The following SUSD1 variants were observed in gnomAD, a reference collection of about 807,000 sequenced individuals.
SUSD1 encodes the protein sushi domain-containing protein 1.
Under a neutral mutation model 86.9 loss-of-function variants are expected in SUSD1, and 65 were observed. The ratio of observed to expected loss-of-function variants is 0.75; its 90% CI spans 0.61 to 0.92. The LOEUF is 0.92. Ranked by LOEUF, SUSD1 falls within the 40% of genes least tolerant of loss-of-function variation. The pLI is 0.00. For synonymous variants in SUSD1, 346 were observed against 350.0 expected (o/e 0.99, Z 0.13); for missense variants, 850 against 929.7 (o/e 0.91, Z 1.11).
intron 1 of SUSD1, among the ~76,000 whole-genome samples, chr9:112,171,866 T>C (rs1316989139): frequency 1.3e-5 from 2 of 152,180 alleles, no homozygotes; most frequent in Non-Finnish European, 2.9e-5. Flanking sequence ...CCCAGCTGAA[T>C]GCTACCTTCG....
In SUSD1 at chr9:112,160,084, A is replaced by G. The variant is rs1235487038; in HGVS notation, c.104-2471T>C. Among the ~76,000 whole-genome samples the G allele has an allele frequency of 6.6e-5, 10 of 152,162 alleles. 1 individual carries two copies. The highest frequency in any genetic ancestry group is 6.5e-4 in the Admixed American group (10 of 15,284). ...TAATATAAGAAACCTGAAAAAAGGA[A>G]AAAAGAAAATGGGGATTTAGGGATT... is the stretch of plus-strand genomic sequence containing the variant. On this transcript the variant is annotated intron_variant, in intron 1 of 16. Transcript: ENST00000374270.
intron 10 of SUSD1, among the ~76,000 whole-genome samples, chr9:112,097,447 A>G (rs13288433): frequency 0.64 from 88,543 of 138,852 alleles, 28,310 homozygotes; most frequent in East Asian, 0.78. Flanking sequence ...TGCCCAAGCT[A>G]GAGTGCAATG....
chr9:112,066,878 G>T (rs1239411354), intron 12 of SUSD1, among the ~76,000 whole-genome samples: 1 of 151,982 alleles, frequency 6.6e-6, no homozygotes, highest in South Asian at 2.1e-4. Flanking sequence ...ATTTTTTGTT[G>T]TTTATCTGTT....
At chr9:112,042,306 T>A in intron 15 of SUSD1, 1 of 738,856 alleles carries the variant, frequency 1.4e-6, no homozygotes, top group Non-Finnish European at 2.2e-6. Flanking sequence ...TAGATTTTTA[T>A]GGGCCGTTTT....
At chr9:112,060,259 T>C (rs1213750799) in intron 13 of SUSD1, among the ~76,000 whole-genome samples, 2 of 152,016 alleles carry the variant, frequency 1.3e-5, no homozygotes, top group African/African-American at 4.8e-5. Flanking sequence ...CCTGATTTTC[T>C]TTCTTTTCTT....
chr9:112,155,306 G>A (rs1043222419), intron 2 of SUSD1, among the ~76,000 whole-genome samples: 4 of 151,952 alleles, frequency 2.6e-5, no homozygotes, highest in African/African-American at 9.7e-5. Flanking sequence ...AATTCCTTTG[G>A]GAAGTGAACA....
chr9:112,130,691 TCTACCAGATATACA>T (rs759707657), intron 5 of SUSD1, among the ~76,000 whole-genome samples: 36 of 151,800 alleles, frequency 2.4e-4, no homozygotes, highest in South Asian at 6.3e-4. Context: ...CACAAGGTAG[TCTACCAGATATACA>T]CTACCTTATT....
At chr9:112,063,130 T>C in intron 12 of SUSD1, 97 bp from the exon 13 acceptor site, 1 of 728,976 alleles carries the variant, frequency 1.4e-6, no homozygotes, top group Non-Finnish European at 2.4e-6. Context: ...AAGAAAGTTT[T>C]AATTTCAGAA....
chr9:112,053,446 C>T (rs750455272), intron 14 of SUSD1, among the ~76,000 whole-genome samples: 5 of 125,938 alleles, frequency 4.0e-5, no homozygotes, highest in East Asian at 5.1e-4. Context: ...ACCCAGGAGG[C>T]GGAGGTGCAG....
chr9:112,134,474 T>G (rs1832170717), intron 5 of SUSD1, among the ~76,000 whole-genome samples: 1 of 152,022 alleles, frequency 6.6e-6, no homozygotes, highest in Non-Finnish European at 1.5e-5. Flanking sequence ...GAACAGAAAA[T>G]TCTAATATCC....
At chr9:112,160,175 A>G (rs1438309399) in intron 1 of SUSD1, among the ~76,000 whole-genome samples, 1 of 152,238 alleles carries the variant, frequency 6.6e-6, no homozygotes, top group Non-Finnish European at 1.5e-5. Flanking sequence ...GGGGAAAATT[A>G]CATAAAAGAC....
At chr9:112,107,254 C>CAAAAA (rs71382407) in intron 8 of SUSD1, among the ~76,000 whole-genome samples, 55 of 64,938 alleles carry the variant, frequency 8.5e-4, no homozygotes, top group Non-Finnish European at 9.0e-4. Context: ...GACCATATCT[C>CAAAAA]AAAAAAAAAA....
intron 5 of SUSD1, among the ~76,000 whole-genome samples, chr9:112,127,510 T>A (rs959396605): frequency 1.3e-5 from 2 of 151,644 alleles, no homozygotes; most frequent in Non-Finnish European, 2.9e-5. Context: ...CTGAGCAAAG[T>A]CCTTCCCCGT....
chr9:112,055,987 G>A (rs765436763), intron 14 of SUSD1, among the ~76,000 whole-genome samples: 7 of 152,330 alleles, frequency 4.6e-5, no homozygotes, highest in Non-Finnish European at 8.8e-5. Flanking sequence ...AGGGCTGGGC[G>A]TGATGGCTCA....
At chr9:112,073,464 ACTCT>A (rs968033191) in intron 12 of SUSD1, among the ~76,000 whole-genome samples, 15 of 148,602 alleles carry the variant, frequency 1.0e-4, no homozygotes, top group East Asian at 5.9e-4. Context: ...TCTCACGCTC[ACTCT>A]CTCTCTCTCT....
At chr9:112,124,473 C>G (rs1278723454) in intron 5 of SUSD1, 37 bp from the exon 6 acceptor site, 12 of 1,571,044 alleles carry the variant, frequency 7.6e-6, no homozygotes, top group Non-Finnish European at 1.0e-5. Flanking sequence ...GTTATAAGCC[C>G]TGACTTCCAG....
At chr9:112,074,524 C>T (rs1829429975) in intron 12 of SUSD1, among the ~76,000 whole-genome samples, 4 of 152,250 alleles carry the variant, frequency 2.6e-5, no homozygotes, top group African/African-American at 9.6e-5. Context: ...CTGAGGTCAG[C>T]GATGTATTTA....
At chr9:112,051,408 C>CTTTT (rs746946192) in intron 15 of SUSD1, among the ~76,000 whole-genome samples, 413 of 76,944 alleles carry the variant, frequency 5.4e-3, no homozygotes, top group Admixed American at 7.1e-3. Context: ...TTTTTCTTTT[C>CTTTT]TTTTTTTTTT....
intron 13 of SUSD1, among the ~76,000 whole-genome samples, chr9:112,061,143 C>T (rs766527412): frequency 1.3e-5 from 2 of 152,140 alleles, no homozygotes; most frequent in African/African-American, 4.8e-5. Context: ...TTAAGGGAAC[C>T]CAGCAACAGG....
Sources: allele counts gnomAD v4.1 joint callset (sites outside exome capture counted in the v4.1 genomes callset), GRCh38; gene constraint gnomAD v4.1.1; transcripts MANE v1.5; gene names NCBI Gene and HGNC (gene_info 2026-07-23, HGNC 2026-07-21).